NEMP2: variants seen among roughly 807,000 people sequenced by gnomAD.
NEMP2 encodes UPF0571 transmembrane protein.
A neutral mutation model predicts 54.2 loss-of-function variants in NEMP2; 53 were observed. The ratio of observed to expected loss-of-function variants is 0.98; its 90% CI spans 0.78 to 1.23. The LOEUF is 1.23. NEMP2 is among the 50% of genes most tolerant of loss of function. The pLI is 0.00. For synonymous variants in NEMP2, 197 were observed against 190.3 expected, an observed-to-expected ratio of 1.04 and a Z score of -0.29; for missense variants, 455 against 511.3, an observed-to-expected ratio of 0.89 and a Z score of 1.06.
the NEMP2 span, among the ~76,000 whole-genome samples, chr2:190,635,921 C>G: frequency 1.3e-5 from 2 of 152,176 alleles, no homozygotes; most frequent in Admixed American, 1.3e-4. The surrounding 1 kb of genome is among the most constrained non-coding windows in gnomAD (Gnocchi z 4.1). Context: ...GGCTGGAGTG[C>G]AGGGGCATGA....
the NEMP2 span, among the ~76,000 whole-genome samples, chr2:190,489,087 AAATG>A: frequency 1.3e-5 from 2 of 152,228 alleles, no homozygotes; most frequent in African/African-American, 4.8e-5. The surrounding 1 kb of genome is among the most constrained non-coding windows in gnomAD (Gnocchi z 6.6). Flanking sequence ...GGAGCCAAAC[AAATG>A]AATTAGCATG....
Position 190,513,251 on chromosome 2 carries a change from C to T in NEMP2, c.953+1202G>A, listed in dbSNP as rs572684184. ...CTTTTAAATGCCAACATTTAAAAATCCTGAGATTTCACATTCTAATCGTAA... is the reference window on the plus strand; with the variant it reads ...CTTTTAAATGCCAACATTTAAAAATTCTGAGATTTCACATTCTAATCGTAA... On this transcript the variant is annotated intron_variant, in intron 7 of 8. Coordinates refer to ENST00000409150, the MANE Select transcript of NEMP2 (RefSeq NM_001142645.2). This position sits in a 1 kb window ranked among gnomAD's most constrained non-coding sequence, Gnocchi z 5.3. Among the ~76,000 whole-genome samples, 1 of 152,182 alleles carries T rather than the reference C, an allele frequency of 6.6e-6. No individual in the cohort carries two copies. Among genetic ancestry groups the T allele is most frequent in the Non-Finnish European group, 1.5e-5 (1 of 68,032 alleles).
At position 190,526,571 on chromosome 2, in the gene NEMP2, G is replaced by A. The variant is rs144849146; in HGVS notation, c.98-1193C>T. 1.1e-3 allele frequency among the ~76,000 whole-genome samples: 165 copies of A among 152,276 alleles called. 1 individual carries two copies. Among genetic ancestry groups the A allele is most frequent in the East Asian group, 3.3e-3 (17 of 5,186 alleles). On this transcript the variant is annotated intron_variant, in intron 1 of 8. Transcript: ENST00000409150. ...AAACAAGAAATGGACTAAGAGAGGC[G>A]GGAGAAATAACAGATTAGGAAATTA...
chr2:190,519,960 T>G lies in NEMP2; in HGVS notation c.214-777A>C, dbSNP rs1378946596. ...TCAGCATGTTTTAGCAATAAAGTAT[T>G]TCTTAAATTAAGGTATGTAGGGTTT... On this transcript the variant is annotated intron_variant, in intron 2 of 8. Coordinates refer to ENST00000409150, the MANE Select transcript of NEMP2 (RefSeq NM_001142645.2). This position sits in a 1 kb window ranked among gnomAD's most constrained non-coding sequence, Gnocchi z 5.4. Among the ~76,000 whole-genome samples the G allele has an allele frequency of 2.0e-5, 3 of 152,198 alleles. No homozygotes were observed. The highest frequency in any genetic ancestry group is 1.3e-4 in the Admixed American group (2 of 15,278).
At chr2:190,627,747 A>G in the NEMP2 span, 6 of 152,216 alleles carry the variant, frequency 3.9e-5, no homozygotes, top group Non-Finnish European at 8.8e-5. The surrounding 1 kb of genome is among the most constrained non-coding windows in gnomAD (Gnocchi z 4.4). Context: ...AAGATGTGCC[A>G]CCAAAGAATA....
chr2:190,441,423 A>AGAACCACCAGGCTAATGGGAGGCAT, the NEMP2 span, among the ~76,000 whole-genome samples: 29 of 151,026 alleles, frequency 1.9e-4, no homozygotes, highest in Non-Finnish European at 3.1e-4. Context: ...GCCAAGGTTG[A>AGAACCACCAGGCTAATGGGAGGCAT]GAACCACCAG....
the NEMP2 span, among the ~76,000 whole-genome samples, chr2:190,428,747 C>G: frequency 6.6e-6 from 1 of 152,036 alleles, no homozygotes; most frequent in Non-Finnish European, 1.5e-5. Flanking sequence ...TATCTCAGCT[C>G]ACTGCAACCC....
At chr2:190,430,948 C>T in the NEMP2 span, among the ~76,000 whole-genome samples, 86 of 148,494 alleles carry the variant, frequency 5.8e-4, no homozygotes, top group Non-Finnish European at 9.2e-4. Flanking sequence ...ACTTCTCAGA[C>T]GGGGCGGCTG....
chr2:190,638,074 G>A, the NEMP2 span, among the ~76,000 whole-genome samples: 1 of 152,176 alleles, frequency 6.6e-6, no homozygotes, highest in Non-Finnish European at 1.5e-5. This position sits in a 1 kb window ranked among gnomAD's most constrained non-coding sequence, Gnocchi z 5.7. Context: ...GGGAGCAGGG[G>A]AGCTAGTGAT....
the NEMP2 span, among the ~76,000 whole-genome samples, chr2:190,595,398 A>G: frequency 2.6e-5 from 4 of 152,238 alleles, no homozygotes; most frequent in African/African-American, 4.8e-5. This position sits in a 1 kb window ranked among gnomAD's most constrained non-coding sequence, Gnocchi z 4.0. Flanking sequence ...GCCCAAATTG[A>G]CAAATGGGAT....
chr2:190,471,872 G>T, the NEMP2 span, among the ~76,000 whole-genome samples: 2 of 152,140 alleles, frequency 1.3e-5, no homozygotes, highest in African/African-American at 2.4e-5. The surrounding 1 kb of genome is among the most constrained non-coding windows in gnomAD (Gnocchi z 4.7). Context: ...CATACGGCCG[G>T]GTACCCCTCT....
At chr2:190,614,425 C>A in the NEMP2 span, among the ~76,000 whole-genome samples, 7 of 152,220 alleles carry the variant, frequency 4.6e-5, no homozygotes, top group South Asian at 1.5e-3. The surrounding 1 kb of genome is among the most constrained non-coding windows in gnomAD (Gnocchi z 5.7). Flanking sequence ...ACGACAAGAT[C>A]CTAGGAGAGA....
chr2:190,433,974 T>C, the NEMP2 span, among the ~76,000 whole-genome samples: 1 of 152,110 alleles, frequency 6.6e-6, no homozygotes, highest in African/African-American at 2.4e-5. The surrounding 1 kb of genome is among the most constrained non-coding windows in gnomAD (Gnocchi z 4.5). Flanking sequence ...GAGGATCACT[T>C]GAGCCCAGGA....
chr2:190,437,508 G>A, the NEMP2 span: 2 of 1,614,090 alleles, frequency 1.2e-6, no homozygotes, highest in Non-Finnish European at 1.7e-6. The surrounding 1 kb of genome is among the most constrained non-coding windows in gnomAD (Gnocchi z 5.9). Flanking sequence ...ATGTGTCTGA[G>A]CTGACAGCAT....
At chr2:190,626,986 T>C in the NEMP2 span, among the ~76,000 whole-genome samples, 634 of 152,310 alleles carry the variant, frequency 4.2e-3, 3 homozygotes, top group African/African-American at 0.014. This position sits in a 1 kb window ranked among gnomAD's most constrained non-coding sequence, Gnocchi z 4.5. Flanking sequence ...CAGAAAATCA[T>C]AGGAATACTG....
chr2:190,478,302 A>G, the NEMP2 span, among the ~76,000 whole-genome samples: 1 of 152,158 alleles, frequency 6.6e-6, no homozygotes, highest in Non-Finnish European at 1.5e-5. Flanking sequence ...GCCAGTTTCC[A>G]CAGAGCTCTT....
chr2:190,463,736 C>T, the NEMP2 span: 2 of 286,852 alleles, frequency 7.0e-6, no homozygotes, highest in Admixed American at 6.5e-5. The surrounding 1 kb of genome is among the most constrained non-coding windows in gnomAD (Gnocchi z 4.4). Context: ...GGGAGGATCA[C>T]CTGGGCTCTG....
the NEMP2 span, among the ~76,000 whole-genome samples, chr2:190,543,649 A>G: frequency 1.3e-5 from 2 of 152,132 alleles, no homozygotes; most frequent in Non-Finnish European, 2.9e-5. This position sits in a 1 kb window ranked among gnomAD's most constrained non-coding sequence, Gnocchi z 4.7. Context: ...TCATCCTCCT[A>G]TTGGAGTTCA....
At chr2:190,581,855 A>G in the NEMP2 span, among the ~76,000 whole-genome samples, 1 of 152,076 alleles carries the variant, frequency 6.6e-6, no homozygotes, top group East Asian at 1.9e-4. Context: ...AGTTTTAGGA[A>G]TTTTGCAATT....
Sources: gnomAD v4.1 joint callset for allele counts (sites outside exome capture counted in the v4.1 genomes callset) on GRCh38, gnomAD v4.1.1 for gene constraint, Gnocchi (gnomAD v3.1) non-coding constraint, MANE v1.5 for transcripts, NCBI Gene and HGNC (gene_info 2026-07-23, HGNC 2026-07-21) for gene names.